RARRES1: variants seen among roughly 807,000 people sequenced by gnomAD.
RARRES1 encodes the protein retinoic acid receptor responder 1, also known as retinoic acid receptor responder protein 1.
In RARRES1, 34 loss-of-function variants were observed where a neutral mutation model predicts 30.6. That is an observed-to-expected ratio of 1.11 (90% CI 0.84 to 1.48). The LOEUF (loss-of-function observed/expected upper bound fraction) is 1.48, where lower values mean the gene tolerates loss of function less well. Among genes scored for constraint, RARRES1 ranks in the 40% most tolerant of loss-of-function variants. The pLI is 0.00. For missense variants in RARRES1, 373 were observed against 386.5 expected, an observed-to-expected ratio of 0.97 and a Z score of 0.29; for synonymous variants, 153 against 155.5, an observed-to-expected ratio of 0.98 and a Z score of 0.12.
At chr3:158,698,251 G>A (rs2108127490) in intron 4 of RARRES1, 1 of 390,416 alleles carries the variant, frequency 2.6e-6, no homozygotes, top group Admixed American at 4.3e-5. Context: ...CAACCTTAAG[G>A]ATCTAGATAC....
intron 4 of RARRES1, among the ~76,000 whole-genome samples, chr3:158,699,987 G>A (rs1215039248): frequency 6.6e-6 from 1 of 152,072 alleles, no homozygotes. Flanking sequence ...CTTTTGTGCT[G>A]TCTGCACTAT....
intron 3 of RARRES1, among the ~76,000 whole-genome samples, chr3:158,707,593 T>C (rs1289564447): frequency 6.6e-6 from 1 of 152,138 alleles, no homozygotes; most frequent in African/African-American, 2.4e-5. Context: ...GAATCAAATG[T>C]CTCAGTCTCA....
intron 1 of RARRES1, among the ~76,000 whole-genome samples, chr3:158,716,493 A>C (rs1378723001): frequency 1.3e-5 from 2 of 152,238 alleles, no homozygotes; most frequent in East Asian, 3.8e-4. Flanking sequence ...ACATGGAGGC[A>C]AAGTGAGAAG....
chr3:158,721,984 G>A (rs573157238), intron 1 of RARRES1, among the ~76,000 whole-genome samples: 1 of 151,628 alleles, frequency 6.6e-6, no homozygotes, highest in East Asian at 1.9e-4. Flanking sequence ...CCAGCTACTC[G>A]GGAGGCTGAG....
intron 1 of RARRES1, among the ~76,000 whole-genome samples, chr3:158,717,089 G>A (rs1214519383): frequency 6.6e-6 from 1 of 152,198 alleles, no homozygotes; most frequent in Admixed American, 6.5e-5. Flanking sequence ...GGAGTGGGCG[G>A]GAGCCAGGCC....
At chr3:158,699,596 C>T (rs1057394181) in intron 4 of RARRES1, among the ~76,000 whole-genome samples, 2 of 151,728 alleles carry the variant, frequency 1.3e-5, no homozygotes, top group Non-Finnish European at 3.0e-5. Flanking sequence ...CTGAAGACTG[C>T]CATGATTTCC....
rs1460842371 is a variant in RARRES1 at position 158,710,884 on chromosome 3, A to G, written c.389T>C (p.Val130Ala). The change falls in exon 3 of 6, where the codon GTG becomes GCG. Residue 130 changes from valine (V) to alanine (A), a missense_variant. Physicochemically the swap from Val to Ala is moderately conservative, Grantham distance 64 (BLOSUM62 0). Transcript: ENST00000237696. Reference protein sequence around the residue: ...EGRLGKCSARVFFKNQKPRPT... With the variant: ...EGRLGKCSARAFFKNQKPRPT... ...TCTGGGTTTCTGATTCTTGAAAAACACTCGAGCAGAACATTTCCCCAAACG... is the reference window on the plus strand; with the variant it reads ...TCTGGGTTTCTGATTCTTGAAAAACGCTCGAGCAGAACATTTCCCCAAACG... The G allele has an allele frequency of 2.5e-6, 4 of 1,613,910 alleles. No homozygotes were observed. The African/African-American group carries it at 5.3e-5, about 22-fold the overall frequency.
At chr3:158,708,329 A>C (rs1400884212) in intron 3 of RARRES1, among the ~76,000 whole-genome samples, 1 of 152,212 alleles carries the variant, frequency 6.6e-6, no homozygotes, top group Non-Finnish European at 1.5e-5. Flanking sequence ...ATCACCCTAG[A>C]AGATAAACCA....
Position 158,713,838 on chromosome 3 carries a change from T to C in RARRES1, c.298A>G (p.Lys100Glu), listed in dbSNP as rs1727230847. The change falls in exon 2 of 6, where the codon AAA (lysine) becomes GAA (glutamate). Residue 100 changes from lysine to glutamate, a missense_variant. Coordinates refer to ENST00000237696, the MANE Select transcript of RARRES1 (RefSeq NM_206963.2). ...TCTGTGCTGAAGACCACGTGAACTT[T>C]ACATCCCTCTTTTGGATTAATCTGG... ...RAWINPKEGC[K>E]VHVVFSTERY... is the part of the protein sequence containing the mutation. 6.2e-7 allele frequency: 1 copy of C among 1,614,064 alleles called. No individual in the cohort carries two copies. Among genetic ancestry groups the C allele is most frequent in the Non-Finnish European group, 8.5e-7 (1 of 1,179,918 alleles).
At chr3:158,728,164 G>C (rs557444876) in intron 1 of RARRES1, among the ~76,000 whole-genome samples, 1 of 151,282 alleles carries the variant, frequency 6.6e-6, no homozygotes, top group South Asian at 2.1e-4. Context: ...ACTTACCCTT[G>C]CTTTCGCAAT....
intron 1 of RARRES1, among the ~76,000 whole-genome samples, chr3:158,725,416 G>A (rs1294025353): frequency 1.3e-5 from 2 of 152,204 alleles, no homozygotes; most frequent in African/African-American, 2.4e-5. Context: ...AATGTCAGTC[G>A]TTGTGGGCTG....
intron 4 of RARRES1, among the ~76,000 whole-genome samples, chr3:158,702,029 GTTTGT>G (rs1320058751): frequency 3.3e-5 from 5 of 151,852 alleles, no homozygotes; most frequent in African/African-American, 7.3e-5. Context: ...ATTTGTTTTT[GTTTGT>G]TTTGTTTTGT....
In RARRES1 at chr3:158,719,333, G is replaced by A. The variant is rs574377421; in HGVS notation, c.277-5474C>T. Among the ~76,000 whole-genome samples the A allele has an allele frequency of 5.4e-5, 8 of 146,960 alleles. No individual in the cohort carries two copies. In the East Asian group the frequency reaches 1.6e-3, roughly 30 times the overall value. On this transcript the variant is annotated intron_variant, in intron 1 of 5. Transcript: ENST00000237696. ...GTCACCCAGGCTGGAGTGCAATGGT[G>A]CAATCTCAGCTCACTGCACCCTCCA... is the stretch of plus-strand genomic sequence containing the variant.
intron 1 of RARRES1, among the ~76,000 whole-genome samples, chr3:158,722,667 G>A (rs1185461320): frequency 6.6e-6 from 1 of 152,026 alleles, no homozygotes; most frequent in African/African-American, 2.4e-5. Context: ...CGGATCACGA[G>A]GTCAGGAGAT....
chr3:158,719,341 A>G (rs1411889097), intron 1 of RARRES1, among the ~76,000 whole-genome samples: 3 of 146,620 alleles, frequency 2.0e-5, no homozygotes, highest in Non-Finnish European at 4.5e-5. Flanking sequence ...GTGCAATCTC[A>G]GCTCACTGCA....
chr3:158,701,108 G>T (rs375126455), intron 4 of RARRES1, among the ~76,000 whole-genome samples: 1 of 152,334 alleles, frequency 6.6e-6, no homozygotes, highest in East Asian at 1.9e-4. Context: ...ATGTGCTGCA[G>T]GTTAGATAGT....
chr3:158,710,353 G>A lies in RARRES1; in HGVS notation c.535+385C>T, dbSNP rs530048226. 2.4e-4 allele frequency among the ~76,000 whole-genome samples: 37 copies of A among 152,074 alleles called. 1 individual carries two copies. In the South Asian group the frequency reaches 5.8e-3, roughly 24 times the overall value. On this transcript the variant is annotated intron_variant, in intron 3 of 5. Coordinates refer to ENST00000237696, the MANE Select transcript of RARRES1 (RefSeq NM_206963.2). ...CTCCTGAGTAGCTGGGACTACAGGCGCCCACCACCACGCCTGGCTAATTTT... is the reference window on the plus strand; with the variant it reads ...CTCCTGAGTAGCTGGGACTACAGGCACCCACCACCACGCCTGGCTAATTTT...
At chr3:158,716,193 C>T (rs1313010570) in intron 1 of RARRES1, among the ~76,000 whole-genome samples, 1 of 152,100 alleles carries the variant, frequency 6.6e-6, no homozygotes. Context: ...TGGGAGGGTT[C>T]ATTCTCTGGC....
At chr3:158,724,856 C>T (rs1349268326) in intron 1 of RARRES1, among the ~76,000 whole-genome samples, 1 of 151,322 alleles carries the variant, frequency 6.6e-6, no homozygotes, top group Non-Finnish European at 1.5e-5. Flanking sequence ...GACAGGGTCT[C>T]ACTATGTTAG....
Sources: allele counts gnomAD v4.1 joint callset (sites outside exome capture counted in the v4.1 genomes callset), GRCh38; gene constraint gnomAD v4.1.1; transcripts MANE v1.5; gene names NCBI Gene and HGNC (gene_info 2026-07-23, HGNC 2026-07-21).